The following EPB41L1 variants were observed in gnomAD, a reference collection of about 807,000 sequenced individuals.
EPB41L1 encodes erythrocyte membrane protein band 4.1 like 1.
Under a neutral mutation model 97.8 loss-of-function variants are expected in EPB41L1, and 29 were observed. The observed-to-expected ratio is 0.30, with a 90% CI of 0.22 to 0.40. The LOEUF is 0.40. Among genes scored for constraint, EPB41L1 ranks in the 10% least tolerant of loss-of-function variants. EPB41L1 has a pLI of 1.00. For missense variants in EPB41L1, 812 were observed against 1,162.3 expected, an observed-to-expected ratio of 0.70 and a Z score of 4.38; for synonymous variants, 383 against 459.2, an observed-to-expected ratio of 0.83 and a Z score of 2.12.
chr20:36,122,326 G>C lies in EPB41L1; in HGVS notation c.-10+9846G>C, dbSNP rs555480647. On this transcript the variant is annotated intron_variant, in intron 2 of 19. Transcript: ENST00000202028. ...GCCTTTGTGCCAAATGGGGACAGGAGGCCTGGTGAGTCCTGCTGTACACCA... is the reference window on the plus strand; with the variant it reads ...GCCTTTGTGCCAAATGGGGACAGGACGCCTGGTGAGTCCTGCTGTACACCA... 2.6e-5 allele frequency among the ~76,000 whole-genome samples: 4 copies of C among 152,340 alleles called. No individual in the cohort carries two copies. The East Asian group carries it at 5.8e-4, about 22-fold the overall frequency.
chr20:36,096,936 C>T (rs2057849729), intron 1 of EPB41L1, among the ~76,000 whole-genome samples: 1 of 152,238 alleles, frequency 6.6e-6, no homozygotes, highest in Non-Finnish European at 1.5e-5. Context: ...AGCCTTTTCT[C>T]AAGTTGATTT....
At chr20:36,130,887 G>A (rs987802832) in intron 2 of EPB41L1, among the ~76,000 whole-genome samples, 3 of 151,112 alleles carry the variant, frequency 2.0e-5, no homozygotes, top group African/African-American at 7.3e-5. Context: ...TCGGCTCACT[G>A]TAACCTCTGC....
Position 36,206,109 on chromosome 20 carries a change from G to C in EPB41L1, c.1669-3379G>C, listed in dbSNP as rs1000275100. ...CAAGTCCTGAAGACTTTGAGTCAGT[G>C]GGGGAGGAAGGCCCCTGGATCAGGG... On this transcript the variant is annotated intron_variant, in intron 14 of 21. Coordinates refer to ENST00000338074, the MANE Select transcript of EPB41L1 (RefSeq NM_012156.2). The surrounding 1 kb of genome is among the most constrained non-coding windows in gnomAD (Gnocchi z 5.5). 3 of 1,289,766 alleles carry C rather than the reference G, an allele frequency of 2.3e-6. No homozygotes were observed. Among genetic ancestry groups the C allele is most frequent in the Middle Eastern group, 2.1e-4 (1 of 4,718 alleles). 79.9% of individuals were successfully genotyped at this position (1,289,766 alleles called of 1,614,324 possible).
chr20:36,188,227 TA>T, intron 8 of EPB41L1, 119 bp from the exon 9 acceptor site: 1 of 1,376,420 alleles, frequency 7.3e-7, no homozygotes, highest in Non-Finnish European at 1.0e-6. Flanking sequence ...ATGGAGGCTC[TA>T]ACCCTGTTCC....
chr20:36,199,646 G>C (rs1190147546), intron 14 of EPB41L1, among the ~76,000 whole-genome samples: 1 of 152,192 alleles, frequency 6.6e-6, no homozygotes, highest in Non-Finnish European at 1.5e-5. Context: ...TCCATGAAGG[G>C]CCTCTGTTTG....
At chr20:36,211,100 A>C (rs1478577515) in intron 15 of EPB41L1, among the ~76,000 whole-genome samples, 1 of 152,118 alleles carries the variant, frequency 6.6e-6, no homozygotes, top group Non-Finnish European at 1.5e-5. Flanking sequence ...CAAGAAAAAA[A>C]AAATCTCCAG....
Position 36,187,785 on chromosome 20 carries a change from C to T in EPB41L1, c.873+22C>T, listed in dbSNP as rs749663742. On this transcript the variant is annotated intron_variant, in intron 8 of 21. Coordinates refer to ENST00000338074, the MANE Select transcript of EPB41L1 (RefSeq NM_012156.2). The stretch of plus-strand genomic sequence containing the variant: ...CAAGGTACCACCAGCTTCCTGGGTT[C>T]CCCTAGTGTCTGGGTGGTGCCCCCA... 14 of 1,607,782 alleles carry T rather than the reference C, an allele frequency of 8.7e-6. No homozygotes were observed. The South Asian group carries it at 1.4e-4, about 17-fold the overall frequency.
At chr20:36,121,106 GCTAGATTT>G (rs1202317401) in intron 2 of EPB41L1, among the ~76,000 whole-genome samples, 1 of 150,956 alleles carries the variant, frequency 6.6e-6, no homozygotes, top group African/African-American at 2.4e-5. Flanking sequence ...ATCTCAGAGA[GCTAGATTT>G]CCTTTCTACC....
intron 5 of EPB41L1, among the ~76,000 whole-genome samples, chr20:36,181,289 G>A (rs1285628498): frequency 3.3e-5 from 5 of 152,046 alleles, no homozygotes; most frequent in Non-Finnish European, 7.4e-5. Context: ...GTAGACTTTC[G>A]CTAATTTTGT....
chr20:36,203,079 G>A (rs2062591182), intron 14 of EPB41L1, among the ~76,000 whole-genome samples: 1 of 152,194 alleles, frequency 6.6e-6, no homozygotes, highest in African/African-American at 2.4e-5. Flanking sequence ...GCGGGGCTGC[G>A]GCTACCTGGG....
intron 11 of EPB41L1, 56 bp from the exon 12 acceptor site, chr20:36,194,152 CTCTG>C: frequency 6.2e-7 from 1 of 1,610,184 alleles, no homozygotes; most frequent in East Asian, 2.2e-5. Context: ...TGGGCTGGTT[CTCTG>C]TCTGTTCTCT....
chr20:36,166,588 G>A (rs6058427), intron 1 of EPB41L1, among the ~76,000 whole-genome samples: 15,635 of 152,188 alleles, frequency 0.1, 1,322 homozygotes, highest in African/African-American at 0.23. Flanking sequence ...GATAATTACT[G>A]TGAAAACCGA....
intron 21 of EPB41L1, among the ~76,000 whole-genome samples, chr20:36,223,737 A>T (rs2063928685): frequency 6.6e-6 from 1 of 152,190 alleles, no homozygotes; most frequent in Admixed American, 6.5e-5. Context: ...TTCACAAGGA[A>T]GAGGGAAGGG....
chr20:36,110,736 T>C (rs939518951), intron 1 of EPB41L1: 2 of 152,198 alleles, frequency 1.3e-5, no homozygotes, highest in Non-Finnish European at 2.9e-5. Flanking sequence ...TCCACACATA[T>C]CTACTTTCTG....
At chr20:36,154,689 G>T, upstream of EPB41L1, 3 of 982,010 alleles carry the variant, frequency 3.1e-6, no homozygotes, top group Non-Finnish European at 2.4e-6. This position sits in a 1 kb window ranked among gnomAD's most constrained non-coding sequence, Gnocchi z 5.5. Flanking sequence ...TGTGGGCACC[G>T]TGCCCAGCCC....
chr20:36,208,054 T>A (rs899375387), intron 14 of EPB41L1, among the ~76,000 whole-genome samples: 1 of 152,114 alleles, frequency 6.6e-6, no homozygotes, highest in Non-Finnish European at 1.5e-5. Context: ...ACAACCCCCA[T>A]GGAGAAGGTG....
At position 36,209,868 on chromosome 20, in the gene EPB41L1, C is replaced by G. The variant is rs371674690; in HGVS notation, c.2049C>G (p.Ala683=). Residue 683 remains alanine, a synonymous_variant, in exon 15 of 22, where the codon GCC becomes GCG. Coordinates refer to ENST00000338074, the MANE Select transcript of EPB41L1 (RefSeq NM_012156.2). This position sits in a 1 kb window ranked among gnomAD's most constrained non-coding sequence, Gnocchi z 4.2. Reference sequence around the variant, plus strand: ...TTGAGGACAGCCCGGATCGAGGGGCCTGCTCCACCCCGGATATGCCCCAGT... The same window carrying G: ...TTGAGGACAGCCCGGATCGAGGGGCGTGCTCCACCCCGGATATGCCCCAGT... The part of the protein sequence containing the change: ...GGIEDSPDRG[A]CSTPDMPQFE... The G allele has an allele frequency of 2.1e-5, 34 of 1,613,398 alleles. No individual in the cohort carries two copies. The highest frequency in any genetic ancestry group is 2.5e-5 in the Non-Finnish European group (30 of 1,180,016).
chr20:36,185,423 C>T (rs2061643107), intron 7 of EPB41L1, 88 bp downstream of exon 7: 3 of 1,299,418 alleles, frequency 2.3e-6, no homozygotes, highest in Admixed American at 3.9e-5. Context: ...CCGCCACATA[C>T]TGTGCTGTTT....
intron 2 of EPB41L1, among the ~76,000 whole-genome samples, chr20:36,131,696 C>T (rs1236648290): frequency 6.6e-6 from 1 of 152,134 alleles, no homozygotes; most frequent in Non-Finnish European, 1.5e-5. Flanking sequence ...GCCAGGATGA[C>T]AATGGTCAGG....
Sources: allele counts gnomAD v4.1 joint callset (sites outside exome capture counted in the v4.1 genomes callset), GRCh38; gene constraint gnomAD v4.1.1; non-coding constraint Gnocchi (gnomAD v3.1); transcripts MANE v1.5; gene names NCBI Gene and HGNC (gene_info 2026-07-23, HGNC 2026-07-21).